SNX6: variants seen among roughly 807,000 people sequenced by gnomAD.
SNX6 encodes the protein sorting nexin 6, also known as sorting nexin-6.
Under a neutral mutation model 63.0 loss-of-function variants are expected in SNX6, and 34 were observed. That is an observed-to-expected ratio of 0.54 (90% CI 0.41 to 0.72). SNX6 has a LOEUF of 0.72. Ranked by LOEUF, SNX6 falls within the 30% of genes least tolerant of loss-of-function variation. The pLI, the probability that SNX6 is intolerant of heterozygous loss-of-function variation, is 0.00. For synonymous variants in SNX6, 170 were observed against 164.2 expected (o/e 1.04, Z -0.27); for missense variants, 398 against 471.4 (o/e 0.84, Z 1.44).
chr14:34,604,382 T>A, intron 5 of SNX6: 1 of 910,068 alleles, frequency 1.1e-6, no homozygotes, highest in Non-Finnish European at 1.4e-6. Flanking sequence ...TGAATATATA[T>A]CTGTCTGCTA....
intron 11 of SNX6, chr14:34,569,107 T>A: frequency 1.1e-6 from 1 of 936,166 alleles, no homozygotes; most frequent in Non-Finnish European, 1.8e-6. Flanking sequence ...CTGGTTCACA[T>A]CTTTTACAGT....
rs1285610133 is a variant in SNX6 at position 34,629,893 on chromosome 14, A to AGGC, written c.54+13_54+14insGCC. 454 of 1,555,430 alleles carry AGGC rather than the reference A, an allele frequency of 2.9e-4. No individual in the cohort carries two copies. Among genetic ancestry groups the AGGC allele is most frequent in the Non-Finnish European group, 3.8e-4 (441 of 1,150,080 alleles). ...GGTCCAGGGTCCCGCGAGCGAAAGGAAGGCAGAACTTACTCCGCGGTCCTC... is the reference window on the plus strand; with the variant it reads ...GGTCCAGGGTCCCGCGAGCGAAAGGAGGCAGGCAGAACTTACTCCGCGGTCCTC... On this transcript the variant is annotated intron_variant, in intron 2 of 13. Coordinates refer to ENST00000362031, the MANE Select transcript of SNX6 (RefSeq NM_152233.4).
chr14:34,622,692 G>A (rs1022958944), intron 2 of SNX6, among the ~76,000 whole-genome samples: 16 of 151,886 alleles, frequency 1.1e-4, no homozygotes, highest in African/African-American at 3.9e-4. Context: ...AAGAACAAGT[G>A]CTCTAGGAGG....
chr14:34,609,714 C>T lies in SNX6; in HGVS notation c.83G>A (p.Ser28Asn). The T allele has an allele frequency of 1.2e-6, 2 of 1,612,378 alleles. No homozygotes were observed. Among genetic ancestry groups the T allele is most frequent in the South Asian group, 1.1e-5 (1 of 90,884 alleles). Reference sequence around the variant, plus strand: ...AATGTCCACCTGCAGAGCAGCATCACTTTGAAGATCTACATTTATTGCTTT... The same window carrying T: ...AATGTCCACCTGCAGAGCAGCATCATTTTGAAGATCTACATTTATTGCTTT... ...GLKAINVDLQ[S>N]DAALQVDISD... is the part of the protein sequence containing the mutation. Residue 28 changes from serine (S) to asparagine (N), a missense_variant, in exon 3 of 14, where the codon AGT (serine) becomes AAT (asparagine). Ser to Asn is a conservative substitution (Grantham distance 46). Coordinates refer to ENST00000362031, the MANE Select transcript of SNX6 (RefSeq NM_152233.4).
Position 34,576,206 on chromosome 14 carries a change from TGAGCCACC to T in SNX6, c.835-372_835-365del, listed in dbSNP as rs550629564. Among the ~76,000 whole-genome samples the T allele has an allele frequency of 5.9e-5, 9 of 152,044 alleles. No homozygotes were observed. In the East Asian group the frequency reaches 1.5e-3, roughly 26 times the overall value. ...TCTCAAAGTGTTGGGATTACAGGCG[TGAGCCACC>T]GCGCCCGGCCTCGTTTCCTTCTTAA... On this transcript the variant is annotated intron_variant, in intron 10 of 13. Coordinates refer to ENST00000362031, the MANE Select transcript of SNX6 (RefSeq NM_152233.4).
At chr14:34,580,181 G>A (rs940170523) in intron 10 of SNX6, among the ~76,000 whole-genome samples, 3 of 152,162 alleles carry the variant, frequency 2.0e-5, no homozygotes, top group Non-Finnish European at 2.9e-5. Flanking sequence ...GCAAGACTCC[G>A]TCTCAAAAAC....
Position 34,629,929 on chromosome 14 carries a change from A to C in SNX6, c.32T>G (p.Phe11Cys), listed in dbSNP as rs2138404408. 6.4e-7 allele frequency: 1 copy of C among 1,552,830 alleles called. No individual in the cohort carries two copies. The highest frequency in any genetic ancestry group is 1.2e-5 in the South Asian group (1 of 83,318). Residue 11 changes from phenylalanine (F) to cysteine (C), a missense_variant, in exon 2 of 14, where the codon TTC (phenylalanine) becomes TGC (cysteine). Coordinates refer to ENST00000362031, the MANE Select transcript of SNX6 (RefSeq NM_152233.4). ...TACTCCGCGGTCCTCTTCTGAGAGG[A>C]AGTCCGGGCCGTCGTCCAGGCCTTC... The part of the protein sequence containing the change: MMEGLDDGPD[F>C]LSEEDRGLKA...
chr14:34,622,125 A>T (rs1370200552), intron 2 of SNX6, among the ~76,000 whole-genome samples: 1 of 150,154 alleles, frequency 6.7e-6, no homozygotes, highest in African/African-American at 2.4e-5. Context: ...CACCTGGCTA[A>T]TTTTTTTTGT....
At chr14:34,585,080 G>A (rs1185777385) in intron 9 of SNX6, among the ~76,000 whole-genome samples, 2 of 152,052 alleles carry the variant, frequency 1.3e-5, no homozygotes, top group African/African-American at 2.4e-5. Context: ...TCAAACTCCC[G>A]ACCTGAGGTG....
intron 7 of SNX6, among the ~76,000 whole-genome samples, chr14:34,594,155 G>A (rs748469923): frequency 2.6e-5 from 4 of 152,168 alleles, no homozygotes; most frequent in Non-Finnish European, 5.9e-5. Flanking sequence ...CTGGTGGACA[G>A]AAGTGAAAAT....
At chr14:34,604,174 T>C in intron 5 of SNX6, 1 of 1,285,122 alleles carries the variant, frequency 7.8e-7, no homozygotes, top group Non-Finnish European at 1.0e-6. Context: ...AAGTTTGATC[T>C]CTGTGAGGGT....
At chr14:34,599,717 T>C (rs1453832870) in intron 6 of SNX6, among the ~76,000 whole-genome samples, 1 of 147,986 alleles carries the variant, frequency 6.8e-6, no homozygotes, top group Non-Finnish European at 1.5e-5. Context: ...GAGGTTGCAC[T>C]GAGCGGAGAT....
intron 11 of SNX6, among the ~76,000 whole-genome samples, chr14:34,574,010 C>G (rs1175382214): frequency 6.6e-6 from 1 of 151,960 alleles, no homozygotes; most frequent in African/African-American, 2.4e-5. Flanking sequence ...ATGGCACTCT[C>G]ATGCTCAATG....
chr14:34,572,836 A>G (rs955053774), intron 11 of SNX6, among the ~76,000 whole-genome samples: 25 of 151,918 alleles, frequency 1.6e-4, no homozygotes, highest in Non-Finnish European at 1.6e-4. Context: ...ACCCACCAGC[A>G]TGCCCGGCTA....
intron 2 of SNX6, among the ~76,000 whole-genome samples, chr14:34,620,562 TG>T (rs1473643028): frequency 6.6e-6 from 1 of 152,220 alleles, no homozygotes; most frequent in Non-Finnish European, 1.5e-5. Flanking sequence ...TTGGCCTCTA[TG>T]CAGTATTCTG....
intron 2 of SNX6, among the ~76,000 whole-genome samples, chr14:34,618,154 C>T (rs1883494134): frequency 6.6e-6 from 1 of 152,130 alleles, no homozygotes; most frequent in East Asian, 1.9e-4. Flanking sequence ...AGCCCTTGCC[C>T]CTCATAAATT....
At chr14:34,579,966 C>T (rs1022961408) in intron 10 of SNX6, among the ~76,000 whole-genome samples, 2 of 152,204 alleles carry the variant, frequency 1.3e-5, no homozygotes, top group Non-Finnish European at 2.9e-5. Context: ...AGGCAGATCA[C>T]TTGACATCAG....
At chr14:34,591,379 T>C (rs988590539) in intron 8 of SNX6, among the ~76,000 whole-genome samples, 3 of 152,192 alleles carry the variant, frequency 2.0e-5, no homozygotes, top group Non-Finnish European at 4.4e-5. Flanking sequence ...CAATGTACAA[T>C]TTTTTAAAAA....
intron 6 of SNX6, among the ~76,000 whole-genome samples, chr14:34,600,097 G>A (rs1018912824): frequency 6.6e-6 from 1 of 151,928 alleles, no homozygotes; most frequent in Admixed American, 6.6e-5. Flanking sequence ...ATCAAATTTT[G>A]AGCATCTCAT....
Sources: allele counts gnomAD v4.1 joint callset (sites outside exome capture counted in the v4.1 genomes callset), GRCh38; gene constraint gnomAD v4.1.1; transcripts MANE v1.5; gene names NCBI Gene and HGNC (gene_info 2026-07-23, HGNC 2026-07-21).